Variants in TMEM121 observed in about 807,000 individuals in gnomAD.
The protein encoded by TMEM121 is transmembrane protein 121, also known as transmembrane protein 121A.
Under a neutral mutation model 16.4 loss-of-function variants are expected in TMEM121, and 8 were observed. The ratio of observed to expected loss-of-function variants is 0.49; its 90% CI spans 0.29 to 0.88. The LOEUF is 0.88. TMEM121 is among the 40% of genes least tolerant of loss of function. The pLI, the probability that TMEM121 is intolerant of heterozygous loss-of-function variation, is 0.09. For missense variants in TMEM121, 401 were observed against 462.0 expected (o/e 0.87, Z 1.21); for synonymous variants, 235 against 226.2 (o/e 1.04, Z -0.35).
intron 1 of TMEM121, among the ~76,000 whole-genome samples, chr14:105,527,987 GCGC>G: frequency 6.6e-6 from 1 of 151,998 alleles, no homozygotes; most frequent in African/African-American, 2.4e-5. Flanking sequence ...CATCGCCCTG[GCGC>G]AGAGGAGCAA....
rs1555444342 is a variant in TMEM121, at chr14:105,529,710, G to T, written c.876G>T (p.Ser292=). 4.6e-6 allele frequency: 7 copies of T among 1,510,692 alleles called. No homozygotes were observed. Among genetic ancestry groups the T allele is most frequent in the East Asian group, 2.5e-5 (1 of 39,528 alleles). 93.6% of individuals were successfully genotyped at this position (1,510,692 alleles called of 1,614,324 possible). ...AGCCGCCACCCCCGCAGCGCAACTCGGTGCCGCCGCCGCCGCCGCCGCTGC... is the reference window on the plus strand; with the variant it reads ...AGCCGCCACCCCCGCAGCGCAACTCTGTGCCGCCGCCGCCGCCGCCGCTGC... ...ELQPPPPQRN[S]VPPPPPPLHG... is the part of the protein sequence containing the mutation. Residue 292 remains serine (S), a synonymous_variant, in exon 2 of 2, where the codon TCG becomes TCT. Coordinates refer to ENST00000392519, the MANE Select transcript of TMEM121 (RefSeq NM_025268.4).
rs955564466 is a variant in TMEM121, at chr14:105,529,883, G to A, written c.*89G>A. ...GCGGTTTGCATGGGATGGGGTGGGG[G>A]CGGGCTCCCCTAGGGACAGGTGCCT... On this transcript the variant is annotated 3_prime_UTR_variant, in exon 2 of 2. Transcript: ENST00000392519. 54 of 1,278,842 alleles carry A rather than the reference G, an allele frequency of 4.2e-5. No homozygotes were observed. The South Asian group carries it at 9.4e-4, about 22-fold the overall frequency. 79.2% of individuals were successfully genotyped at this position (1,278,842 alleles called of 1,614,324 possible).
Position 105,528,819 on chromosome 14 carries a change from G to C in TMEM121, c.-16G>C, listed in dbSNP as rs1433385480. The C allele has an allele frequency of 3.4e-6, 5 of 1,462,922 alleles. No homozygotes were observed. The highest frequency in any genetic ancestry group is 4.5e-6 in the Non-Finnish European group (5 of 1,110,354). 90.6% of individuals were successfully genotyped at this position (1,462,922 alleles called of 1,614,324 possible). ...TGGGGGCCGCGCGCGCCCAGGCCGG[G>C]GCCCGGCGGCCGACCATGGTGCTGC... On this transcript the variant is annotated 5_prime_UTR_variant, in exon 2 of 2. Coordinates refer to ENST00000392519, the MANE Select transcript of TMEM121 (RefSeq NM_025268.4).
chr14:105,529,226 T>C lies in TMEM121; in HGVS notation c.392T>C (p.Leu131Pro). The C allele has an allele frequency of 6.4e-7, 1 of 1,570,430 alleles. No homozygotes were observed. The highest frequency in any genetic ancestry group is 8.6e-7 in the Non-Finnish European group (1 of 1,161,008). The change falls in exon 2 of 2, where the codon CTG becomes CCG. Residue 131 changes from leucine (L) to proline (P), a missense_variant. Physicochemically the swap from Leu to Pro is moderately conservative, Grantham distance 98 (BLOSUM62 -3). Transcript: ENST00000392519. ...GGCCTGTTCCTGCTGCTCGTGGCGC[T>C]GGACCGCATGGAGTACGTGCGCACC... is the stretch of plus-strand genomic sequence containing the variant. ...VPGLFLLLVA[L>P]DRMEYVRTFR...
Position 105,529,263 on chromosome 14 carries a change from C to G in TMEM121, c.429C>G (p.Arg143=). 3 of 1,549,172 alleles carry G rather than the reference C, an allele frequency of 1.9e-6. No individual in the cohort carries two copies. Among genetic ancestry groups the G allele is most frequent in the Non-Finnish European group, 2.6e-6 (3 of 1,150,674 alleles). ...RMEYVRTFRK[R]EDLRGRLFWV... ...AGTACGTGCGCACCTTCCGCAAGCG[C>G]GAGGACCTGCGCGGCCGCCTGTTTT... Residue 143 remains arginine (R), a synonymous_variant, in exon 2 of 2, where the codon CGC becomes CGG. Coordinates refer to ENST00000392519, the MANE Select transcript of TMEM121 (RefSeq NM_025268.4).
At position 105,529,728 on chromosome 14, in the gene TMEM121, G is replaced by A. The variant is rs1239236269; in HGVS notation, c.894G>A (p.Pro298=). The change falls in exon 2 of 2, where the codon CCG becomes CCA. Residue 298 remains proline, a synonymous_variant. Coordinates refer to ENST00000392519, the MANE Select transcript of TMEM121 (RefSeq NM_025268.4). The part of the protein sequence containing the change: ...PQRNSVPPPP[P]PLHGPPGRPH... ...GCAACTCGGTGCCGCCGCCGCCGCC[G>A]CCGCTGCACGGCCCGCCTGGGCGCC... 9 of 1,522,096 alleles carry A rather than the reference G, an allele frequency of 5.9e-6. No individual in the cohort carries two copies. In the African/African-American group the frequency reaches 9.7e-5, roughly 16 times the overall value. The allele number at this position is 1,522,096 out of a possible 1,614,324, so 94.3% of individuals were successfully genotyped here.
rs2084589996 is a variant in TMEM121 at position 105,526,644 on chromosome 14, G to C, written c.-123G>C. 1 of 148,740 alleles carries C rather than the reference G, an allele frequency of 6.7e-6. No homozygotes were observed. The highest frequency in any genetic ancestry group is 6.7e-5 in the Admixed American group (1 of 14,910). 9.2% of individuals were successfully genotyped at this position (148,740 alleles called of 1,614,324 possible). On this transcript the variant is annotated 5_prime_UTR_variant, in exon 1 of 2. Coordinates refer to ENST00000392519, the MANE Select transcript of TMEM121 (RefSeq NM_025268.4). This position sits in a 1 kb window ranked among gnomAD's most constrained non-coding sequence, Gnocchi z 6.8. ...GGCCCGGGAGCGGCGCAGCATCTGC[G>C]GGCGGCGGGGTAGGCGCGGGCGCGG...
In TMEM121 at chr14:105,529,561, A is replaced by T. The variant is rs1555444300; in HGVS notation, c.727A>T (p.Ser243Cys). 5.8e-6 allele frequency: 9 copies of T among 1,550,820 alleles called. No individual in the cohort carries two copies. The highest frequency in any genetic ancestry group is 1.9e-5 in the Admixed American group (1 of 52,296). Residue 243 changes from serine to cysteine, a missense_variant, in exon 2 of 2, where the codon AGC becomes TGC. Coordinates refer to ENST00000392519, the MANE Select transcript of TMEM121 (RefSeq NM_025268.4). The part of the protein sequence containing the change: ...RAANMALFRD[S>C]RVSAIFVGKN... Reference sequence around the variant, plus strand: ...CGCCAACATGGCGCTGTTCCGGGACAGCCGTGTCTCGGCCATCTTCGTCGG... The same window carrying T: ...CGCCAACATGGCGCTGTTCCGGGACTGCCGTGTCTCGGCCATCTTCGTCGG...
chr14:105,529,934 G>A lies in TMEM121; in HGVS notation c.*140G>A. Reference sequence around the variant, plus strand: ...CGAGTGCCCGTGCCTGGGGTCCCGCGGCCGCTTCTTCATCTCAGGAATCTC... The same window carrying A: ...CGAGTGCCCGTGCCTGGGGTCCCGCAGCCGCTTCTTCATCTCAGGAATCTC... On this transcript the variant is annotated 3_prime_UTR_variant, in exon 2 of 2. Coordinates refer to ENST00000392519, the MANE Select transcript of TMEM121 (RefSeq NM_025268.4). 2.4e-6 allele frequency: 2 copies of A among 831,414 alleles called. No individual in the cohort carries two copies. The highest frequency in any genetic ancestry group is 3.5e-6 in the Non-Finnish European group (2 of 577,158). 51.5% of individuals were successfully genotyped at this position (831,414 alleles called of 1,614,324 possible). A position where few individuals can be genotyped will look rare whatever the true frequency, so the allele number is the denominator to read the frequency against.
chr14:105,529,917 C>G lies in TMEM121; in HGVS notation c.*123C>G, dbSNP rs973099436. On this transcript the variant is annotated 3_prime_UTR_variant, in exon 2 of 2. Transcript: ENST00000392519. ...CCTAGGGACAGGTGCCTCGAGTGCCCGTGCCTGGGGTCCCGCGGCCGCTTC... is the reference window on the plus strand; with the variant it reads ...CCTAGGGACAGGTGCCTCGAGTGCCGGTGCCTGGGGTCCCGCGGCCGCTTC... 2 of 999,572 alleles carry G rather than the reference C, an allele frequency of 2.0e-6. No individual in the cohort carries two copies. The highest frequency in any genetic ancestry group is 4.1e-5 in the Admixed American group (1 of 24,194). 61.9% of individuals were successfully genotyped at this position (999,572 alleles called of 1,614,324 possible).
rs1555444313 is a variant in TMEM121 at position 105,529,623 on chromosome 14, C to A, written c.789C>A (p.Thr263=). ...TGGCGCTCGCCACCAAGGCCTGCACCTTCCTGGAGTACCGCCGCCAGGTGC... is the reference window on the plus strand; with the variant it reads ...TGGCGCTCGCCACCAAGGCCTGCACATTCCTGGAGTACCGCCGCCAGGTGC... ...NVVALATKAC[T]FLEYRRQVRD... is the part of the protein sequence containing the mutation. Residue 263 remains threonine, a synonymous_variant, in exon 2 of 2, where the codon ACC becomes ACA. Coordinates refer to ENST00000392519, the MANE Select transcript of TMEM121 (RefSeq NM_025268.4). The A allele has an allele frequency of 6.3e-7, 1 of 1,580,834 alleles. No homozygotes were observed.
intron 1 of TMEM121, chr14:105,528,481 C>G (rs913524934): frequency 1.8e-5 from 3 of 163,834 alleles, no homozygotes; most frequent in Non-Finnish European, 4.0e-5. Flanking sequence ...GCGTCCGTTC[C>G]GTTTCCTTCC....
rs1375128437 is a variant in TMEM121, at chr14:105,530,138, G to C, written c.*344G>C. The C allele has an allele frequency of 3.1e-6, 1 of 318,340 alleles. No individual in the cohort carries two copies. The highest frequency in any genetic ancestry group is 5.8e-6 in the Non-Finnish European group (1 of 172,578). 19.7% of individuals were successfully genotyped at this position (318,340 alleles called of 1,614,324 possible). A position where few individuals can be genotyped will look rare whatever the true frequency, so the allele number is the denominator to read the frequency against. The stretch of plus-strand genomic sequence containing the variant: ...TCCTTCGGTGGGGGCCTCTGGCTCA[G>C]ATTTGGGGCCAAGGAGGCCTCTGTC... On this transcript the variant is annotated 3_prime_UTR_variant, in exon 2 of 2. Transcript: ENST00000392519.
rs1437463697 is a variant in TMEM121 at position 105,526,829 on chromosome 14, G to A, written c.-114+176G>A. Reference sequence around the variant, plus strand: ...GTGACGGGGACCCGGCCCTGCGTGGGGAAGCCTCGGGGGGACAAGCAGAGA... The same window carrying A: ...GTGACGGGGACCCGGCCCTGCGTGGAGAAGCCTCGGGGGGACAAGCAGAGA... On this transcript the variant is annotated intron_variant, in intron 1 of 1. Transcript: ENST00000392519. The surrounding 1 kb of genome is among the most constrained non-coding windows in gnomAD (Gnocchi z 6.8). Among the ~76,000 whole-genome samples the A allele has an allele frequency of 6.6e-6, 1 of 151,514 alleles. No homozygotes were observed. The highest frequency in any genetic ancestry group is 2.4e-5 in the African/African-American group (1 of 41,260).
In TMEM121 at chr14:105,529,848, C is replaced by A; in HGVS notation, c.*54C>A. The A allele has an allele frequency of 7.3e-7, 1 of 1,363,822 alleles. No homozygotes were observed. Among genetic ancestry groups the A allele is most frequent in the Non-Finnish European group, 9.4e-7 (1 of 1,063,218 alleles). The allele number at this position is 1,363,822 out of a possible 1,614,324, so 84.5% of individuals were successfully genotyped here. On this transcript the variant is annotated 3_prime_UTR_variant, in exon 2 of 2. Transcript: ENST00000392519. Reference sequence around the variant, plus strand: ...CTGGGGCGCAGAGACACCGGGTTGGCTTGGGGCGCGCGGTTTGCATGGGAT... The same window carrying A: ...CTGGGGCGCAGAGACACCGGGTTGGATTGGGGCGCGCGGTTTGCATGGGAT...
rs587772188 is a variant in TMEM121 at position 105,530,061 on chromosome 14, G to A, written c.*267G>A. ...GCAGAGCAGAGGTGATCCGGCCCCT[G>A]CCTGCTGGGCCGCCCGGGTTGGAAG... On this transcript the variant is annotated 3_prime_UTR_variant, in exon 2 of 2. Transcript: ENST00000392519. 19 of 425,486 alleles carry A rather than the reference G, an allele frequency of 4.5e-5. No homozygotes were observed. In the South Asian group the frequency reaches 9.9e-4, roughly 22 times the overall value. The allele number at this position is 425,486 out of a possible 1,614,324, so 26.4% of individuals were successfully genotyped here. A position where few individuals can be genotyped will look rare whatever the true frequency, so the allele number is the denominator to read the frequency against.
At chr14:105,527,651 G>A (rs1478658120) in intron 1 of TMEM121, among the ~76,000 whole-genome samples, 3 of 152,054 alleles carry the variant, frequency 2.0e-5, no homozygotes, top group African/African-American at 7.2e-5. Flanking sequence ...GGGGCCTGCG[G>A]TGTCACCAGG....
Position 105,529,766 on chromosome 14 carries a change from C to T in TMEM121, c.932C>T (p.Ser311Leu), listed in dbSNP as rs587624495. The T allele has an allele frequency of 1.4e-3, 2,049 of 1,485,962 alleles. 1 individual carries two copies. Among genetic ancestry groups the T allele is most frequent in the Non-Finnish European group, 1.7e-3 (1,872 of 1,128,486 alleles). 92.0% of individuals were successfully genotyped at this position (1,485,962 alleles called of 1,614,324 possible). Residue 311 changes from serine to leucine, a missense_variant, in exon 2 of 2, where the codon TCG becomes TTG. Transcript: ENST00000392519. ...HGPPGRPHMS[S>L]PTRDPLDT ...CCGCCTGGGCGCCCCCACATGTCCT[C>T]GCCCACGCGTGACCCCCTGGACACG...
chr14:105,529,922 C>T lies in TMEM121; in HGVS notation c.*128C>T. 4 of 955,426 alleles carry T rather than the reference C, an allele frequency of 4.2e-6. No individual in the cohort carries two copies. Among genetic ancestry groups the T allele is most frequent in the Non-Finnish European group, 5.8e-6 (4 of 690,844 alleles). 59.2% of individuals were successfully genotyped at this position (955,426 alleles called of 1,614,324 possible). A position where few individuals can be genotyped will look rare whatever the true frequency, so the allele number is the denominator to read the frequency against. ...GGACAGGTGCCTCGAGTGCCCGTGCCTGGGGTCCCGCGGCCGCTTCTTCAT... is the reference window on the plus strand; with the variant it reads ...GGACAGGTGCCTCGAGTGCCCGTGCTTGGGGTCCCGCGGCCGCTTCTTCAT... On this transcript the variant is annotated 3_prime_UTR_variant, in exon 2 of 2. Transcript: ENST00000392519.
Sources: gnomAD v4.1 joint callset for allele counts (sites outside exome capture counted in the v4.1 genomes callset) on GRCh38, gnomAD v4.1.1 for gene constraint, Gnocchi (gnomAD v3.1) non-coding constraint, MANE v1.5 for transcripts, NCBI Gene and HGNC (gene_info 2026-07-23, HGNC 2026-07-21) for gene names.